EVI5: variants seen among roughly 807,000 people sequenced by gnomAD.
EVI5 encodes ecotropic viral integration site 5.
A neutral mutation model predicts 112.0 loss-of-function variants in EVI5; 73 were observed. That is an observed-to-expected ratio of 0.65 (90% confidence interval 0.54 to 0.79). The LOEUF (loss-of-function observed/expected upper bound fraction) is 0.79, where lower values mean the gene tolerates loss of function less well. Among genes scored for constraint, EVI5 ranks in the 30% least tolerant of loss-of-function variants. The probability of loss-of-function intolerance (pLI) is 0.00; values close to 1 mark genes in which losing one functional copy is unlikely to be tolerated. For missense variants in EVI5, 900 were observed against 968.8 expected (o/e 0.93, Z 0.94); for synonymous variants, 305 against 319.9 (o/e 0.95, Z 0.50).
At chr1:92,552,707 A>AT (rs1174899133) in intron 19 of EVI5, among the ~76,000 whole-genome samples, 23 of 152,020 alleles carry the variant, frequency 1.5e-4, no homozygotes, top group African/African-American at 5.3e-4. Flanking sequence ...GCGCACTCGA[A>AT]TTTTTTCCTA....
At chr1:92,568,604 A>T (rs1380970242) in intron 18 of EVI5, among the ~76,000 whole-genome samples, 1 of 152,126 alleles carries the variant, frequency 6.6e-6, no homozygotes, top group Non-Finnish European at 1.5e-5. Flanking sequence ...GAACTGAGAA[A>T]ATACAGTTGA....
At chr1:92,769,549 T>C (rs956971955) in intron 1 of EVI5, among the ~76,000 whole-genome samples, 1 of 152,124 alleles carries the variant, frequency 6.6e-6, no homozygotes, top group South Asian at 2.1e-4. Flanking sequence ...GACTATGTTA[T>C]CTTATACGGC....
intron 19 of EVI5, among the ~76,000 whole-genome samples, chr1:92,545,135 C>A (rs1665463601): frequency 6.6e-6 from 1 of 152,214 alleles, no homozygotes; most frequent in Admixed American, 6.5e-5. Context: ...ACATATTCAT[C>A]TTTTATCAAT....
intron 2 of EVI5, among the ~76,000 whole-genome samples, chr1:92,715,558 T>A (rs371450565): frequency 2.6e-4 from 39 of 151,970 alleles, no homozygotes; most frequent in African/African-American, 9.2e-4. Flanking sequence ...AGAAGACGGG[T>A]GATTTCTGCA....
chr1:92,646,641 T>C (rs905515029), intron 13 of EVI5, among the ~76,000 whole-genome samples: 1 of 152,222 alleles, frequency 6.6e-6, no homozygotes, highest in African/African-American at 2.4e-5. Context: ...ATAAACTATA[T>C]ATATGTACAG....
intron 16 of EVI5, among the ~76,000 whole-genome samples, chr1:92,615,395 C>T (rs1652901503): frequency 6.6e-6 from 1 of 152,146 alleles, no homozygotes; most frequent in African/African-American, 2.4e-5. Flanking sequence ...GCTCTTCATG[C>T]GAGTGGCTGA....
chr1:92,595,650 T>C (rs528540503), intron 18 of EVI5, among the ~76,000 whole-genome samples: 2 of 152,128 alleles, frequency 1.3e-5, no homozygotes, highest in South Asian at 4.2e-4. Context: ...AGATGACAGA[T>C]TTGAAGGATT....
intron 13 of EVI5, among the ~76,000 whole-genome samples, chr1:92,650,758 T>C (rs1479611135): frequency 6.6e-6 from 1 of 152,130 alleles, no homozygotes; most frequent in African/African-American, 2.4e-5. Context: ...ATTTGCTACC[T>C]AATTATATAT....
intron 19 of EVI5, among the ~76,000 whole-genome samples, chr1:92,550,117 A>G (rs971822812): frequency 6.6e-6 from 1 of 152,228 alleles, no homozygotes; most frequent in East Asian, 1.9e-4. Flanking sequence ...TCAATGATAG[A>G]CTGGATTAAG....
chr1:92,624,027 T>A, intron 16 of EVI5, 149 bp downstream of exon 16: 1 of 617,876 alleles, frequency 1.6e-6, no homozygotes, highest in South Asian at 2.3e-5. Flanking sequence ...ATAATAATTT[T>A]TTGCCATCTT....
intron 19 of EVI5, among the ~76,000 whole-genome samples, chr1:92,547,215 C>A (rs1465424052): frequency 6.6e-6 from 1 of 152,200 alleles, no homozygotes; most frequent in Non-Finnish European, 1.5e-5. Context: ...TGATCAACTA[C>A]ATGGAAACTG....
At chr1:92,772,671 G>A (rs1683582389) in intron 1 of EVI5, among the ~76,000 whole-genome samples, 1 of 151,954 alleles carries the variant, frequency 6.6e-6, no homozygotes, top group South Asian at 2.1e-4. Context: ...GGGAGGGCGA[G>A]GCAGGTGGAT....
intron 1 of EVI5, 107 bp downstream of exon 1, chr1:92,784,729 C>G: frequency 3.6e-6 from 3 of 824,632 alleles, no homozygotes; most frequent in Non-Finnish European, 4.4e-6. Flanking sequence ...GCAAAACTTG[C>G]GGCGGCCCCC....
intron 13 of EVI5, among the ~76,000 whole-genome samples, chr1:92,648,219 CA>C (rs1553225492): frequency 1.1e-4 from 1 of 9,230 alleles, no homozygotes; most frequent in East Asian, 5.1e-3. Flanking sequence ...AAAAAAAAAA[CA>C]AAAACCAGCC....
At chr1:92,731,901 C>T (rs935327755) in intron 2 of EVI5, 7 of 152,142 alleles carry the variant, frequency 4.6e-5, no homozygotes, top group African/African-American at 1.7e-4. Flanking sequence ...AACTATAAAA[C>T]GTTCAGGAAA....
intron 13 of EVI5, among the ~76,000 whole-genome samples, chr1:92,649,521 A>G (rs1420498094): frequency 6.6e-6 from 1 of 152,206 alleles, no homozygotes; most frequent in East Asian, 1.9e-4. Context: ...TGTTATTTTT[A>G]AATCATAAAG....
At chr1:92,686,817 G>A (rs146386533) in intron 9 of EVI5, among the ~76,000 whole-genome samples, 1,572 of 152,118 alleles carry the variant, frequency 0.01, 18 homozygotes, top group South Asian at 0.03. Context: ...TAAAATACCT[G>A]GGAATACAAC....
chr1:92,558,749 C>G (rs779751818), intron 19 of EVI5, among the ~76,000 whole-genome samples: 4 of 151,684 alleles, frequency 2.6e-5, no homozygotes, highest in Non-Finnish European at 5.9e-5. Context: ...GCCCTGTAGT[C>G]CCAGCTACTC....
chr1:92,673,510 A>G (rs1666217386), intron 10 of EVI5, among the ~76,000 whole-genome samples: 1 of 151,988 alleles, frequency 6.6e-6, no homozygotes, highest in Non-Finnish European at 1.5e-5. Flanking sequence ...TTTCTTTTTT[A>G]AAATTGAGAT....
Sources: gnomAD v4.1 joint callset for allele counts (sites outside exome capture counted in the v4.1 genomes callset) on GRCh38, gnomAD v4.1.1 for gene constraint, MANE v1.5 for transcripts, NCBI Gene and HGNC (gene_info 2026-07-23, HGNC 2026-07-21) for gene names.